Variants in ARNT2 observed in about 807,000 individuals in gnomAD.
ARNT2 encodes the protein ARNT protein 2.
A neutral mutation model predicts 91.7 loss-of-function variants in ARNT2; 36 were observed. The ratio of observed to expected loss-of-function variants is 0.39; its 90% CI spans 0.30 to 0.52. The LOEUF is 0.52. Among genes scored for constraint, ARNT2 ranks in the 20% least tolerant of loss-of-function variants. The pLI, the probability that ARNT2 is intolerant of heterozygous loss-of-function variation, is 0.72. For missense variants in ARNT2, 775 were observed against 939.3 expected (o/e 0.83, Z 2.29); for synonymous variants, 365 against 347.1 (o/e 1.05, Z -0.57).
intron 12 of ARNT2, among the ~76,000 whole-genome samples, chr15:80,565,664 C>T (rs188335993): frequency 6.6e-6 from 1 of 151,302 alleles, no homozygotes; most frequent in East Asian, 1.9e-4. Flanking sequence ...TGTTTGTTGG[C>T]TGTTTCTGTG....
intron 15 of ARNT2, chr15:80,579,898 T>A (rs1170448920): frequency 6.3e-6 from 1 of 159,032 alleles, no homozygotes; most frequent in Non-Finnish European, 1.4e-5. Flanking sequence ...GTAGCAGGAC[T>A]AGGCCCCATC....
At chr15:80,520,698 G>A (rs1897529781) in intron 8 of ARNT2, among the ~76,000 whole-genome samples, 1 of 152,086 alleles carries the variant, frequency 6.6e-6, no homozygotes. Flanking sequence ...TACCAAATTG[G>A]ATATGTTAAT....
rs911545004 is a variant in ARNT2, at chr15:80,475,132, G to C, written c.531G>C (p.Glu177Asp). 2 of 1,614,228 alleles carry C rather than the reference G, an allele frequency of 1.2e-6. No homozygotes were observed. Among genetic ancestry groups the C allele is most frequent in the African/African-American group, 1.3e-5 (1 of 75,064 alleles). ...CTGTTCTGAACCAGCCCCAGTCAGAGTGGTTTGGGAGCACACTGTATGAAC... is the reference window on the plus strand; with the variant it reads ...CTGTTCTGAACCAGCCCCAGTCAGACTGGTTTGGGAGCACACTGTATGAAC... The part of the protein sequence containing the change: ...VTPVLNQPQS[E>D]WFGSTLYEQV... The change falls in exon 5 of 19, where the codon GAG (glutamate) becomes GAC (aspartate). Residue 177 changes from glutamate (E) to aspartate (D), a missense_variant. Around this residue, in one of 5 missense-constraint regions of ARNT2, gnomAD observed 285 missense variants for 327.2 expected, o/e 0.87. Coordinates refer to ENST00000303329, the MANE Select transcript of ARNT2 (RefSeq NM_014862.4).
intron 8 of ARNT2, among the ~76,000 whole-genome samples, chr15:80,520,166 T>G (rs1032435249): frequency 6.6e-6 from 1 of 152,106 alleles, no homozygotes; most frequent in Non-Finnish European, 1.5e-5. Flanking sequence ...AATTCTGTAT[T>G]CTGAAGATAA....
chr15:80,408,989 C>T (rs1284740383), intron 1 of ARNT2, among the ~76,000 whole-genome samples: 2 of 151,986 alleles, frequency 1.3e-5, no homozygotes, highest in African/African-American at 4.8e-5. Context: ...TATCCCCTGC[C>T]CCCACACATG....
At chr15:80,519,425 C>T (rs759256591) in intron 8 of ARNT2, among the ~76,000 whole-genome samples, 4 of 152,082 alleles carry the variant, frequency 2.6e-5, no homozygotes, top group South Asian at 2.1e-4. Context: ...CAGGGGGCTG[C>T]GGTAAATAGT....
intron 1 of ARNT2, among the ~76,000 whole-genome samples, chr15:80,438,655 G>A (rs1896132489): frequency 6.6e-6 from 1 of 152,168 alleles, no homozygotes; most frequent in South Asian, 2.1e-4. Context: ...GAAAGAATAT[G>A]ACAGTCTTTG....
chr15:80,563,293 C>A, intron 12 of ARNT2, 54 bp downstream of exon 12: 1 of 1,600,288 alleles, frequency 6.2e-7, no homozygotes, highest in Non-Finnish European at 8.6e-7. Context: ...TGCTTGGGTC[C>A]AGAGCTGGCA....
intron 5 of ARNT2, chr15:80,488,597 C>T (rs966154759): frequency 6.6e-6 from 1 of 152,270 alleles, no homozygotes; most frequent in East Asian, 1.9e-4. Flanking sequence ...TCTGTGAACT[C>T]GACTGTACCA....
intron 1 of ARNT2, among the ~76,000 whole-genome samples, chr15:80,438,501 A>C (rs573121003): frequency 6.6e-6 from 1 of 152,364 alleles, no homozygotes; most frequent in African/African-American, 2.4e-5. Flanking sequence ...CAGGTAGAAA[A>C]ATTTAAAATC....
chr15:80,491,391 T>A (rs1477964871), intron 5 of ARNT2, among the ~76,000 whole-genome samples: 1 of 152,160 alleles, frequency 6.6e-6, no homozygotes, highest in Non-Finnish European at 1.5e-5. Context: ...CTTGTGAGAC[T>A]TATTCACTAT....
intron 5 of ARNT2, among the ~76,000 whole-genome samples, chr15:80,506,179 A>G (rs551606504): frequency 3.3e-5 from 5 of 151,154 alleles, no homozygotes; most frequent in African/African-American, 1.2e-4. Flanking sequence ...CTCATGATCC[A>G]CCCGCCTCGG....
At chr15:80,559,057 C>T (rs1002553593) in intron 11 of ARNT2, among the ~76,000 whole-genome samples, 3 of 152,166 alleles carry the variant, frequency 2.0e-5, no homozygotes, top group African/African-American at 2.4e-5. Flanking sequence ...GTTGCCTGCC[C>T]CAGGTTACAG....
chr15:80,510,157 C>G (rs1897322100), intron 6 of ARNT2, among the ~76,000 whole-genome samples: 1 of 152,018 alleles, frequency 6.6e-6, no homozygotes, highest in Non-Finnish European at 1.5e-5. Context: ...ACGGAGCCAG[C>G]CTTCAGGCAG....
At chr15:80,550,289 C>G (rs1739974397) in intron 8 of ARNT2, among the ~76,000 whole-genome samples, 1 of 152,160 alleles carries the variant, frequency 6.6e-6, no homozygotes, top group South Asian at 2.1e-4. Flanking sequence ...TGACATTTCT[C>G]CGGCTCACAA....
intron 8 of ARNT2, among the ~76,000 whole-genome samples, chr15:80,546,028 TTAAG>T (rs947051466): frequency 1.3e-5 from 2 of 152,264 alleles, no homozygotes; most frequent in Non-Finnish European, 2.9e-5. Flanking sequence ...GTCAGTCTAA[TTAAG>T]TGACAGATGT....
chr15:80,532,289 C>T (rs541943107), intron 8 of ARNT2, among the ~76,000 whole-genome samples: 2 of 152,190 alleles, frequency 1.3e-5, no homozygotes, highest in African/African-American at 4.8e-5. Context: ...CCTTTGATGA[C>T]CCCCAAGCTG....
chr15:80,543,509 A>T (rs1294750692), intron 8 of ARNT2, among the ~76,000 whole-genome samples: 1 of 152,190 alleles, frequency 6.6e-6, no homozygotes, highest in Non-Finnish European at 1.5e-5. Context: ...TCAAATTTGG[A>T]AAATTGTCAG....
chr15:80,578,466 G>T (rs1373680747), intron 15 of ARNT2, among the ~76,000 whole-genome samples: 1 of 151,572 alleles, frequency 6.6e-6, no homozygotes, highest in East Asian at 2.0e-4. Context: ...TGGACTGTCT[G>T]CCCTGAGCTG....
Sources: allele counts gnomAD v4.1 joint callset (sites outside exome capture counted in the v4.1 genomes callset), GRCh38; gene constraint gnomAD v4.1.1; regional missense constraint gnomAD v4.1.1; transcripts MANE v1.5; gene names NCBI Gene and HGNC (gene_info 2026-07-23, HGNC 2026-07-21).